Variants in LHFPL2 observed in about 807,000 individuals in gnomAD.
LHFPL2 encodes the protein LHFPL tetraspan subfamily member 2.
In LHFPL2, 7 loss-of-function variants were observed where a neutral mutation model predicts 17.5. That is an observed-to-expected ratio of 0.40 (90% CI 0.23 to 0.75). The LOEUF (loss-of-function observed/expected upper bound fraction) is 0.75. Among genes scored for constraint, LHFPL2 ranks in the 30% least tolerant of loss-of-function variants. The pLI is 0.37. For missense variants in LHFPL2, 241 were observed against 294.8 expected (o/e 0.82, Z 1.34); for synonymous variants, 134 against 116.2 (o/e 1.15, Z -0.99).
chr5:78,635,676 G>A (rs113736664), intron 1 of LHFPL2, among the ~76,000 whole-genome samples: 6 of 152,144 alleles, frequency 3.9e-5, no homozygotes, highest in Non-Finnish European at 5.9e-5. Context: ...GGTGGTGGGC[G>A]CCTGTAGTCC....
At chr5:78,563,623 C>T (rs1756787257) in intron 3 of LHFPL2, among the ~76,000 whole-genome samples, 1 of 151,702 alleles carries the variant, frequency 6.6e-6, no homozygotes, top group South Asian at 2.1e-4. Context: ...ATCGCTTGAA[C>T]CCAGGAGGTG....
intron 4 of LHFPL2, among the ~76,000 whole-genome samples, chr5:78,501,371 GCA>G (rs2112305816): frequency 6.6e-6 from 1 of 152,292 alleles, no homozygotes; most frequent in South Asian, 2.1e-4. Context: ...AGAAGCCTTA[GCA>G]CAGAGTGGAC....
chr5:78,638,287 G>A (rs986408680), intron 1 of LHFPL2, among the ~76,000 whole-genome samples: 3 of 152,146 alleles, frequency 2.0e-5, no homozygotes, highest in Non-Finnish European at 2.9e-5. Context: ...CAGGGAGGCG[G>A]GGCTTGCAGT....
At chr5:78,552,717 T>C (rs993254404) in intron 3 of LHFPL2, among the ~76,000 whole-genome samples, 2 of 152,244 alleles carry the variant, frequency 1.3e-5, no homozygotes, top group African/African-American at 4.8e-5. Context: ...CTATTAAATC[T>C]AGCTAGATGC....
At chr5:78,525,717 G>A (rs182044904) in intron 3 of LHFPL2, among the ~76,000 whole-genome samples, 4 of 152,274 alleles carry the variant, frequency 2.6e-5, no homozygotes, top group African/African-American at 9.6e-5. Context: ...AAGAGGAAAA[G>A]GTAAAAGTGT....
At position 78,498,121 on chromosome 5, in the gene LHFPL2, G is replaced by C. The variant is rs192244047; in HGVS notation, c.431-8968C>G. On this transcript the variant is annotated intron_variant, in intron 4 of 4. Coordinates refer to ENST00000380345, the MANE Select transcript of LHFPL2 (RefSeq NM_005779.3). ...CCACGACCACTTGTGAAAGAGGCAG[G>C]GTGGTAAATATTAGCAGTGTGAGCC... is the stretch of plus-strand genomic sequence containing the variant. Among the ~76,000 whole-genome samples the C allele has an allele frequency of 3.9e-5, 6 of 152,292 alleles. No individual in the cohort carries two copies. The East Asian group carries it at 9.7e-4, about 25-fold the overall frequency.
chr5:78,561,368 G>T (rs538622095), intron 3 of LHFPL2, among the ~76,000 whole-genome samples: 1 of 152,216 alleles, frequency 6.6e-6, no homozygotes, highest in Non-Finnish European at 1.5e-5. Flanking sequence ...GGAGACTACC[G>T]TATCGGATGG....
intron 1 of LHFPL2, among the ~76,000 whole-genome samples, chr5:78,639,852 C>T (rs772590782): frequency 2.0e-5 from 3 of 152,168 alleles, no homozygotes; most frequent in Admixed American, 6.5e-5. Context: ...AGTTATTTTG[C>T]CCTTAATAAG....
chr5:78,549,854 G>A (rs1756390242), intron 3 of LHFPL2, among the ~76,000 whole-genome samples: 1 of 152,142 alleles, frequency 6.6e-6, no homozygotes, highest in Non-Finnish European at 1.5e-5. Flanking sequence ...CTGAGTGGGG[G>A]TTATGACTCT....
intron 1 of LHFPL2, chr5:78,641,938 C>CACACACACACAT (rs1491400228): frequency 2.8e-5 from 4 of 143,910 alleles, no homozygotes; most frequent in South Asian, 2.1e-4. Context: ...CACACACACA[C>CACACACACACAT]ATATATGCTC....
intron 3 of LHFPL2, among the ~76,000 whole-genome samples, chr5:78,522,906 G>A (rs76731743): frequency 0.038 from 5,812 of 152,146 alleles, 365 homozygotes; most frequent in African/African-American, 0.13. Context: ...GTAAACAGAC[G>A]GTTAATTCAA....
chr5:78,618,973 T>C (rs1356339958), intron 2 of LHFPL2, among the ~76,000 whole-genome samples: 1 of 151,934 alleles, frequency 6.6e-6, no homozygotes, highest in Non-Finnish European at 1.5e-5. Flanking sequence ...AGCCCCACTA[T>C]CACCAAAAAA....
intron 2 of LHFPL2, among the ~76,000 whole-genome samples, chr5:78,579,259 TGGAGGA>T (rs1486469781): frequency 1.3e-5 from 2 of 151,630 alleles, no homozygotes. Flanking sequence ...CAGGAGAGGG[TGGAGGA>T]GGAGGAGGAT....
At chr5:78,503,512 C>T (rs534421869) in intron 4 of LHFPL2, among the ~76,000 whole-genome samples, 2 of 152,160 alleles carry the variant, frequency 1.3e-5, no homozygotes, top group Non-Finnish European at 2.9e-5. Context: ...GCCTGGCCAA[C>T]GTGGTGAAAC....
chr5:78,579,520 G>C (rs1488111624), intron 2 of LHFPL2, among the ~76,000 whole-genome samples: 1 of 151,980 alleles, frequency 6.6e-6, no homozygotes, highest in African/African-American at 2.4e-5. Context: ...AGGCCCCAGA[G>C]TGTGATGTTC....
intron 2 of LHFPL2, among the ~76,000 whole-genome samples, chr5:78,603,127 C>CAG (rs1367713458): frequency 1.8e-4 from 27 of 152,180 alleles, no homozygotes; most frequent in Non-Finnish European, 3.4e-4. Context: ...CTGCTGACCT[C>CAG]GTGATCCACC....
intron 1 of LHFPL2, among the ~76,000 whole-genome samples, chr5:78,639,271 A>G (rs1561377546): frequency 6.6e-6 from 1 of 152,246 alleles, no homozygotes; most frequent in Non-Finnish European, 1.5e-5. Flanking sequence ...CATTTCACAC[A>G]TCAGCTTAGT....
chr5:78,495,457 ACTGT>A (rs1754575902), intron 4 of LHFPL2, among the ~76,000 whole-genome samples: 1 of 152,170 alleles, frequency 6.6e-6, no homozygotes, highest in African/African-American at 2.4e-5. Flanking sequence ...CCACAGAGTA[ACTGT>A]CTGAAGAAGT....
rs576775525 is a variant in LHFPL2, at chr5:78,596,852, G to A, written c.-244-31981C>T. ...GATAATAATATTGACAGTTTCTTCT[G>A]CTCCCAAATTTTTGCCTTCTTCCCA... On this transcript the variant is annotated intron_variant, in intron 2 of 4. Transcript: ENST00000380345. Among the ~76,000 whole-genome samples the A allele has an allele frequency of 2.0e-5, 3 of 152,156 alleles. No individual in the cohort carries two copies. In the South Asian group the frequency reaches 6.2e-4, roughly 32 times the overall value.
Sources: gnomAD v4.1 joint callset for allele counts (sites outside exome capture counted in the v4.1 genomes callset) on GRCh38, gnomAD v4.1.1 for gene constraint, MANE v1.5 for transcripts, NCBI Gene and HGNC (gene_info 2026-07-23, HGNC 2026-07-21) for gene names.